The following TRAT1 variants were observed in gnomAD, a reference collection of about 807,000 sequenced individuals.
TRAT1 encodes T-cell receptor-associated transmembrane adapter 1.
A neutral mutation model predicts 20.0 loss-of-function variants in TRAT1; 20 were observed. The ratio of observed to expected loss-of-function variants is 1.00; its 90% CI spans 0.70 to 1.45. The LOEUF is 1.45. Ranked by LOEUF, TRAT1 falls within the 40% of genes most tolerant of loss-of-function variation. The pLI is 0.00. For missense variants in TRAT1, 237 were observed against 224.1 expected, an observed-to-expected ratio of 1.06 and a Z score of -0.37; for synonymous variants, 77 against 74.2, an observed-to-expected ratio of 1.04 and a Z score of -0.20.
chr3:108,837,903 T>G (rs1945853918), intron 2 of TRAT1, among the ~76,000 whole-genome samples: 2 of 152,180 alleles, frequency 1.3e-5, no homozygotes, highest in African/African-American at 4.8e-5. Context: ...TCTATTGCCT[T>G]CAATTAAAGA....
chr3:108,827,386 G>GTGTGTA (rs1473101338), intron 1 of TRAT1, among the ~76,000 whole-genome samples: 2 of 19,320 alleles, frequency 1.0e-4, no homozygotes, highest in African/African-American at 2.4e-4. Context: ...ATGTGTGTAT[G>GTGTGTA]TGTGTGTGTG....
At chr3:108,837,954 T>G (rs1945854321) in intron 2 of TRAT1, among the ~76,000 whole-genome samples, 1 of 152,222 alleles carries the variant, frequency 6.6e-6, no homozygotes, top group Admixed American at 6.5e-5. Context: ...TTTTGAATTC[T>G]TATATTTGAC....
chr3:108,842,170 CA>C (rs34706044), intron 3 of TRAT1, among the ~76,000 whole-genome samples: 1 of 152,246 alleles, frequency 6.6e-6, no homozygotes, highest in East Asian at 1.9e-4. Context: ...GAGTCTCTCT[CA>C]AAAAGCTTAG....
At chr3:108,833,191 G>A (rs1269429701) in intron 2 of TRAT1, among the ~76,000 whole-genome samples, 2 of 152,200 alleles carry the variant, frequency 1.3e-5, no homozygotes, top group Admixed American at 1.3e-4. Context: ...GCAGAGGTGG[G>A]TGGATTGCCT....
Position 108,854,361 on chromosome 3 carries a change from A to G in TRAT1, c.*484A>G, listed in dbSNP as rs1013495606. ...AATTTCTGATTGAAAGGTATAGGAA[A>G]CATTAAAATGCATTACTAAGAGAAG... On this transcript the variant is annotated 3_prime_UTR_variant, in exon 6 of 6. Coordinates refer to ENST00000295756, the MANE Select transcript of TRAT1 (RefSeq NM_016388.4). The G allele has an allele frequency of 6.5e-6, 1 of 152,706 alleles. No individual in the cohort carries two copies. The highest frequency in any genetic ancestry group is 1.5e-5 in the Non-Finnish European group (1 of 68,376). The allele number at this position is 152,706 out of a possible 1,614,324, so 9.5% of individuals were successfully genotyped here. A position where few individuals can be genotyped will look rare whatever the true frequency, so the allele number is the denominator to read the frequency against.
chr3:108,849,075 T>G (rs1345029202), intron 4 of TRAT1, 91 bp from the exon 5 acceptor site: 1 of 1,119,880 alleles, frequency 8.9e-7, no homozygotes, highest in Non-Finnish European at 1.3e-6. Context: ...AGTTTATATT[T>G]GCAGCCAAAT....
chr3:108,852,182 AC>A, intron 5 of TRAT1, among the ~76,000 whole-genome samples: 1 of 152,314 alleles, frequency 6.6e-6, no homozygotes, highest in East Asian at 1.9e-4. Context: ...AGTGTTCAAG[AC>A]CAGCCTGGCC....
In TRAT1 at chr3:108,825,426, T is replaced by TA. The variant is rs553962794; in HGVS notation, c.7+2500dup. On this transcript the variant is annotated intron_variant, in intron 1 of 5. Coordinates refer to ENST00000295756, the MANE Select transcript of TRAT1 (RefSeq NM_016388.4). ...TTAGTTTACTCATCTTCATTTTTTT[T>TA]AAAAAAAAGGAGTCTCATTGTCTTT... Among the ~76,000 whole-genome samples, 693 of 152,124 alleles carry TA rather than the reference T, an allele frequency of 4.6e-3. 1 individual carries two copies. The highest frequency in any genetic ancestry group is 0.016 in the African/African-American group (660 of 41,522).
chr3:108,827,123 C>A (rs1013122384), intron 1 of TRAT1, among the ~76,000 whole-genome samples: 2 of 152,122 alleles, frequency 1.3e-5, no homozygotes, highest in African/African-American at 4.8e-5. Flanking sequence ...AGTTCTTCGG[C>A]TTTTTAACAG....
chr3:108,836,876 T>C (rs982844290), intron 2 of TRAT1, among the ~76,000 whole-genome samples: 1 of 152,206 alleles, frequency 6.6e-6, no homozygotes, highest in South Asian at 2.1e-4. Context: ...TGTTCCATTA[T>C]ACATCAGGCT....
At chr3:108,843,088 C>T (rs1368578782) in intron 3 of TRAT1, among the ~76,000 whole-genome samples, 1 of 152,176 alleles carries the variant, frequency 6.6e-6, no homozygotes, top group Non-Finnish European at 1.5e-5. Flanking sequence ...CCAGAGAAAG[C>T]GAAAATGTAA....
At chr3:108,847,551 C>T (rs2715715) in intron 4 of TRAT1, among the ~76,000 whole-genome samples, 81,289 of 151,982 alleles carry the variant, frequency 0.53, 22,192 homozygotes, top group East Asian at 0.9. Flanking sequence ...TTCTCATATT[C>T]TAAATAGAGA....
chr3:108,850,400 G>A (rs550556093), intron 5 of TRAT1, among the ~76,000 whole-genome samples: 1 of 151,932 alleles, frequency 6.6e-6, no homozygotes, highest in Non-Finnish European at 1.5e-5. Context: ...TGCCTCCCGG[G>A]TTCAAGCGAT....
chr3:108,826,631 C>T (rs1465276602), intron 1 of TRAT1, among the ~76,000 whole-genome samples: 1 of 152,060 alleles, frequency 6.6e-6, no homozygotes, highest in Non-Finnish European at 1.5e-5. Context: ...TAAGTAGACT[C>T]ATGGGGATCA....
At chr3:108,830,849 A>G in intron 2 of TRAT1, 69 bp downstream of exon 2, 1 of 937,396 alleles carries the variant, frequency 1.1e-6, no homozygotes, top group Non-Finnish European at 1.7e-6. Context: ...TGGAAAACCT[A>G]TGGAAGCAGA....
At chr3:108,836,762 T>C (rs1158321506) in intron 2 of TRAT1, among the ~76,000 whole-genome samples, 1 of 152,262 alleles carries the variant, frequency 6.6e-6, no homozygotes, top group South Asian at 2.1e-4. Flanking sequence ...ACTTCATGGA[T>C]AAATTGAGCA....
intron 5 of TRAT1, 115 bp from the exon 6 acceptor site, chr3:108,853,505 C>G: frequency 7.7e-7 from 1 of 1,298,536 alleles, no homozygotes. Context: ...TTTGGCAAAA[C>G]AAGGTAGGTG....
In TRAT1 at chr3:108,822,828, A is replaced by G. The variant is rs1945704747; in HGVS notation, c.-100A>G. ...GTTTTACTGTCATGCTGCTTTTAAC[A>G]TAACAGAGCAACATCACCTAGGAAA... On this transcript the variant is annotated 5_prime_UTR_variant, in exon 1 of 6. Transcript: ENST00000295756. 1.0e-5 allele frequency: 10 copies of G among 972,638 alleles called. No homozygotes were observed. Among genetic ancestry groups the G allele is most frequent in the Non-Finnish European group, 1.6e-5 (10 of 615,220 alleles). The allele number at this position is 972,638 out of a possible 1,614,324, so 60.3% of individuals were successfully genotyped here.
intron 2 of TRAT1, among the ~76,000 whole-genome samples, chr3:108,835,346 C>A (rs535510158): frequency 1.4e-4 from 21 of 152,340 alleles, no homozygotes; most frequent in Admixed American, 5.2e-4. Context: ...CATTTCATTG[C>A]TTTATAGCAA....
Sources: allele counts gnomAD v4.1 joint callset (sites outside exome capture counted in the v4.1 genomes callset), GRCh38; gene constraint gnomAD v4.1.1; transcripts MANE v1.5; gene names NCBI Gene and HGNC (gene_info 2026-07-23, HGNC 2026-07-21).